Variants in MECOM observed in about 807,000 individuals in gnomAD.
The protein encoded by MECOM is histone-lysine N-methyltransferase MECOM.
A neutral mutation model predicts 116.3 loss-of-function variants in MECOM; 13 were observed. That is an observed-to-expected ratio of 0.11 (90% CI 0.07 to 0.18). MECOM has a LOEUF of 0.18. Ranked by LOEUF, MECOM falls within the 10% of genes least tolerant of loss-of-function variation. MECOM has a pLI of 1.00. For synonymous variants in MECOM, 528 were observed against 535.2 expected (o/e 0.99, Z 0.19); for missense variants, 1,299 against 1,509.0 (o/e 0.86, Z 2.31).
At chr3:169,246,498 C>T (rs956360011) in intron 2 of MECOM, among the ~76,000 whole-genome samples, 1 of 150,896 alleles carries the variant, frequency 6.6e-6, no homozygotes, top group Admixed American at 6.6e-5. Context: ...TAGATTATCT[C>T]ATCTATCAAC....
intron 2 of MECOM, among the ~76,000 whole-genome samples, chr3:169,268,081 C>T (rs1040595743): frequency 2.6e-5 from 4 of 152,078 alleles, no homozygotes; most frequent in Non-Finnish European, 5.9e-5. Context: ...TACAAATTTT[C>T]CAGGTTCCTG....
intron 2 of MECOM, among the ~76,000 whole-genome samples, chr3:169,165,013 A>G (rs986098600): frequency 2.6e-5 from 4 of 152,194 alleles, no homozygotes; most frequent in Admixed American, 2.6e-4. Flanking sequence ...AGTAGTCAAC[A>G]TAGGTTTTCA....
intron 2 of MECOM, among the ~76,000 whole-genome samples, chr3:169,362,503 G>T (rs1728471834): frequency 6.6e-6 from 1 of 151,862 alleles, no homozygotes; most frequent in Non-Finnish European, 1.5e-5. Flanking sequence ...TAGACATATG[G>T]CAAAGAAGCA....
intron 2 of MECOM, among the ~76,000 whole-genome samples, chr3:169,285,660 G>T (rs1016968613): frequency 6.6e-6 from 1 of 152,170 alleles, no homozygotes; most frequent in Non-Finnish European, 1.5e-5. Context: ...AAAATATTCT[G>T]ATTAGTTAAG....
At chr3:169,485,911 G>GTATGTATATATAGTATA in intron 1 of MECOM, among the ~76,000 whole-genome samples, 1 of 106,942 alleles carries the variant, frequency 9.4e-6, no homozygotes, top group East Asian at 3.8e-4. Flanking sequence ...TAGTATATAT[G>GTATGTATATATAGTATA]TATGTATATA....
chr3:169,177,776 G>A (rs1014413979), intron 2 of MECOM, among the ~76,000 whole-genome samples: 1 of 151,790 alleles, frequency 6.6e-6, no homozygotes, highest in Non-Finnish European at 1.5e-5. Flanking sequence ...AAAATAGCTG[G>A]GCATGTTGGC....
At chr3:169,314,758 G>C (rs1375104158) in intron 2 of MECOM, among the ~76,000 whole-genome samples, 1 of 151,786 alleles carries the variant, frequency 6.6e-6, no homozygotes, top group East Asian at 1.9e-4. Flanking sequence ...GAGAGGAAAA[G>C]GCAAAAAGAA....
chr3:169,656,157 C>T (rs1775520838), intron 1 of MECOM, among the ~76,000 whole-genome samples: 1 of 152,216 alleles, frequency 6.6e-6, no homozygotes, highest in African/African-American at 2.4e-5. Flanking sequence ...CTGCCATGTA[C>T]AAGCACTTTC....
At chr3:169,241,044 T>C (rs1338057897) in intron 2 of MECOM, among the ~76,000 whole-genome samples, 1 of 152,150 alleles carries the variant, frequency 6.6e-6, no homozygotes, top group African/African-American at 2.4e-5. Flanking sequence ...GGAAGTACTG[T>C]TTCAAGACCC....
chr3:169,512,322 C>T (rs1756073190), intron 1 of MECOM, among the ~76,000 whole-genome samples: 1 of 152,192 alleles, frequency 6.6e-6, no homozygotes, highest in South Asian at 2.1e-4. Flanking sequence ...TCCTCTGTTC[C>T]CAGATTTTTG....
chr3:169,405,780 T>C (rs1411778518), intron 1 of MECOM, among the ~76,000 whole-genome samples: 1 of 152,220 alleles, frequency 6.6e-6, no homozygotes, highest in Non-Finnish European at 1.5e-5. Flanking sequence ...TCAGTATCTA[T>C]TCACATGCAA....
At chr3:169,504,150 AGTGTGTGTGTGTGTGTGTGTGTGTGTGT>A (rs3044764) in intron 1 of MECOM, among the ~76,000 whole-genome samples, 1 of 132,670 alleles carries the variant, frequency 7.5e-6, no homozygotes, top group African/African-American at 2.7e-5. Flanking sequence ...GAAAAAGAGA[AGTGTGTGTGTGTGTGTGTGTGTGTGTGT>A]GTGTGTGTGT....
chr3:169,196,330 A>G (rs1000254943), intron 2 of MECOM, among the ~76,000 whole-genome samples: 6 of 152,080 alleles, frequency 3.9e-5, no homozygotes, highest in African/African-American at 1.2e-4. Context: ...ATTTTAAAAC[A>G]ACAACAATAG....
intron 2 of MECOM, among the ~76,000 whole-genome samples, chr3:169,299,577 A>G (rs2149710260): frequency 6.6e-6 from 1 of 152,328 alleles, no homozygotes; most frequent in Admixed American, 6.5e-5. Flanking sequence ...CAGACCAGAC[A>G]GACCCCATCT....
intron 1 of MECOM, among the ~76,000 whole-genome samples, chr3:169,483,264 T>A (rs1751647218): frequency 1.4e-5 from 2 of 143,888 alleles, no homozygotes; most frequent in Admixed American, 1.5e-4. Flanking sequence ...CCACAGAGAA[T>A]CTTAGAAAGA....
Position 169,472,464 on chromosome 3 carries a change from G to GAAGGAAAGGAAAGGAAAGGA in MECOM, c.38-90960_38-90941dup, listed in dbSNP as rs200628251. Among the ~76,000 whole-genome samples the GAAGGAAAGGAAAGGAAAGGA allele has an allele frequency of 3.1e-4, 20 of 64,126 alleles. 1 individual carries two copies. The highest frequency in any genetic ancestry group is 6.0e-4 in the South Asian group (1 of 1,656). The allele number at this position is 64,126 out of a possible 152,430, so 42.1% of individuals were successfully genotyped here. A position where few individuals can be genotyped will look rare whatever the true frequency, so the allele number is the denominator to read the frequency against. On this transcript the variant is annotated intron_variant, in intron 1 of 16. Coordinates refer to ENST00000651503, the MANE Select transcript of MECOM (RefSeq NM_004991.4). ...GGAGAGAAAAGGAAAGGAAGGGAAA[G>GAAGGAAAGGAAAGGAAAGGA]AAGGAAAGGAAAGGAAAGGAAAGGA...
intron 14 of MECOM, among the ~76,000 whole-genome samples, chr3:169,092,042 C>T (rs1719892319): frequency 6.6e-6 from 1 of 151,994 alleles, no homozygotes; most frequent in Non-Finnish European, 1.5e-5. Context: ...TTAATTATAG[C>T]TTACAGATAA....
At chr3:169,599,456 T>C (rs1313444913) in intron 1 of MECOM, among the ~76,000 whole-genome samples, 8 of 145,286 alleles carry the variant, frequency 5.5e-5, no homozygotes, top group Non-Finnish European at 1.2e-4. Flanking sequence ...GAGGTTGCAG[T>C]GAGCCAAGAT....
intron 1 of MECOM, among the ~76,000 whole-genome samples, chr3:169,573,751 C>A (rs1448198201): frequency 6.6e-6 from 1 of 152,100 alleles, no homozygotes; most frequent in Non-Finnish European, 1.5e-5. Flanking sequence ...CTAATAAAAA[C>A]CATACAATTT....
Sources: allele counts gnomAD v4.1 joint callset (sites outside exome capture counted in the v4.1 genomes callset), GRCh38; gene constraint gnomAD v4.1.1; transcripts MANE v1.5; gene names NCBI Gene and HGNC (gene_info 2026-07-23, HGNC 2026-07-21).